SLC4A10: variants seen among roughly 807,000 people sequenced by gnomAD.
The protein encoded by SLC4A10 is solute carrier family 4 member 10.
Under a neutral mutation model 137.7 loss-of-function variants are expected in SLC4A10, and 42 were observed. The observed-to-expected ratio is 0.30, with a 90% confidence interval of 0.24 to 0.39. The LOEUF (loss-of-function observed/expected upper bound fraction) is 0.39, where lower values mean the gene tolerates loss of function less well. SLC4A10 is among the 10% of genes least tolerant of loss of function. The probability of loss-of-function intolerance (pLI) is 1.00; values close to 1 mark genes in which losing one functional copy is unlikely to be tolerated. For synonymous variants in SLC4A10, 474 were observed against 464.1 expected, an observed-to-expected ratio of 1.02 and a Z score of -0.27; for missense variants, 925 against 1,355.0, an observed-to-expected ratio of 0.68 and a Z score of 4.98.
chr2:161,765,892 C>A (rs1473011383), intron 1 of SLC4A10, among the ~76,000 whole-genome samples: 2 of 151,998 alleles, frequency 1.3e-5, no homozygotes, highest in Non-Finnish European at 2.9e-5. Context: ...TTCATCATAC[C>A]CCATGTTTAC....
chr2:161,755,607 A>G (rs546975882), intron 1 of SLC4A10, among the ~76,000 whole-genome samples: 42 of 152,122 alleles, frequency 2.8e-4, no homozygotes, highest in South Asian at 2.5e-3. Context: ...GAAAGTTTTC[A>G]TTCCTTCTCT....
At chr2:161,814,022 T>A (rs1349604639) in intron 3 of SLC4A10, among the ~76,000 whole-genome samples, 1 of 152,026 alleles carries the variant, frequency 6.6e-6, no homozygotes, top group East Asian at 1.9e-4. Flanking sequence ...ACTTTGCTAT[T>A]TAAATTTAGT....
intron 3 of SLC4A10, among the ~76,000 whole-genome samples, chr2:161,814,440 G>A (rs2056858290): frequency 6.6e-6 from 1 of 151,998 alleles, no homozygotes; most frequent in Non-Finnish European, 1.5e-5. Flanking sequence ...ATACCCAAAG[G>A]CAAATGAATC....
intron 3 of SLC4A10, among the ~76,000 whole-genome samples, chr2:161,812,883 T>C (rs1427655940): frequency 6.6e-6 from 1 of 152,226 alleles, no homozygotes; most frequent in African/African-American, 2.4e-5. Context: ...TGTAGTTTAA[T>C]GTTAGTCTTT....
At chr2:161,867,569 G>A (rs933504982) in intron 6 of SLC4A10, among the ~76,000 whole-genome samples, 1 of 152,002 alleles carries the variant, frequency 6.6e-6, no homozygotes, top group African/African-American at 2.4e-5. Flanking sequence ...TGTCATTACA[G>A]TTTTGGAATG....
At chr2:161,878,569 A>G (rs542955382) in intron 8 of SLC4A10, among the ~76,000 whole-genome samples, 1 of 152,232 alleles carries the variant, frequency 6.6e-6, no homozygotes, top group Admixed American at 6.5e-5. Context: ...ACTGTGTCAT[A>G]TCTAAATTCT....
chr2:161,826,975 C>T (rs1011053769), intron 3 of SLC4A10, among the ~76,000 whole-genome samples: 5 of 152,178 alleles, frequency 3.3e-5, no homozygotes, highest in Non-Finnish European at 5.9e-5. Context: ...CTACTCTCTC[C>T]GTGAGATGTA....
intron 3 of SLC4A10, among the ~76,000 whole-genome samples, chr2:161,819,573 C>T (rs893483863): frequency 2.5e-4 from 38 of 151,982 alleles, no homozygotes; most frequent in Admixed American, 7.9e-4. Context: ...TGGCTCACTG[C>T]AACCTCTGCC....
intron 3 of SLC4A10, among the ~76,000 whole-genome samples, chr2:161,828,547 A>G (rs1490664031): frequency 2.7e-5 from 4 of 147,744 alleles, no homozygotes; most frequent in African/African-American, 4.9e-5. Flanking sequence ...TTATTTGTAT[A>G]TATAAATATA....
At chr2:161,908,581 TATA>T (rs769901776) in intron 15 of SLC4A10, among the ~76,000 whole-genome samples, 1 of 148,390 alleles carries the variant, frequency 6.7e-6, no homozygotes, top group Non-Finnish European at 1.5e-5. Context: ...AAACTTAAAG[TATA>T]ATAATAATAA....
At chr2:161,783,831 G>GA (rs2053325822) in intron 2 of SLC4A10, among the ~76,000 whole-genome samples, 1 of 150,940 alleles carries the variant, frequency 6.6e-6, no homozygotes, top group Non-Finnish European at 1.5e-5. Flanking sequence ...AGCAAGAGAG[G>GA]AAAAAATGCA....
chr2:161,818,230 C>G (rs1246391043), intron 3 of SLC4A10, among the ~76,000 whole-genome samples: 1 of 152,072 alleles, frequency 6.6e-6, no homozygotes, highest in Non-Finnish European at 1.5e-5. Context: ...GTATTTTATT[C>G]TCTTTGAAGC....
intron 3 of SLC4A10, among the ~76,000 whole-genome samples, chr2:161,835,012 AT>A (rs1457541229): frequency 6.7e-6 from 1 of 149,478 alleles, no homozygotes; most frequent in Non-Finnish European, 1.5e-5. Context: ...TTCTAGGACC[AT>A]TGTGTGAACC....
At chr2:161,951,404 T>G (rs1694781404) in intron 19 of SLC4A10, among the ~76,000 whole-genome samples, 1 of 152,200 alleles carries the variant, frequency 6.6e-6, no homozygotes, top group Non-Finnish European at 1.5e-5. Context: ...ACTATAGATG[T>G]GTCTTAGTTA....
chr2:161,774,730 T>C (rs952418353), intron 2 of SLC4A10, among the ~76,000 whole-genome samples: 1 of 151,856 alleles, frequency 6.6e-6, no homozygotes, highest in Non-Finnish European at 1.5e-5. Context: ...CCATGTGGAA[T>C]CAGTTGAGAC....
intron 23 of SLC4A10, among the ~76,000 whole-genome samples, chr2:161,969,037 A>G (rs1185051885): frequency 6.6e-6 from 1 of 152,200 alleles, no homozygotes; most frequent in Non-Finnish European, 1.5e-5. Flanking sequence ...CAATTGCTCA[A>G]ATTAATTGAG....
At chr2:161,953,543 G>A (rs1419009815) in intron 19 of SLC4A10, among the ~76,000 whole-genome samples, 1 of 152,124 alleles carries the variant, frequency 6.6e-6, no homozygotes, top group African/African-American at 2.4e-5. Context: ...GGAAGGCAGA[G>A]GTTGCAGTGA....
chr2:161,887,853 G>T (rs913176462), intron 10 of SLC4A10, among the ~76,000 whole-genome samples: 2 of 152,098 alleles, frequency 1.3e-5, no homozygotes, highest in African/African-American at 4.8e-5. Context: ...CATTGCTTTT[G>T]GTGTTTTAGT....
chr2:161,653,426 C>T (rs906671646), intron 1 of SLC4A10, among the ~76,000 whole-genome samples: 6 of 152,176 alleles, frequency 3.9e-5, no homozygotes, highest in Non-Finnish European at 8.8e-5. Flanking sequence ...AATCACCACA[C>T]TGTCTTCCAC....
Sources: gnomAD v4.1 joint callset for allele counts (sites outside exome capture counted in the v4.1 genomes callset) on GRCh38, gnomAD v4.1.1 for gene constraint, MANE v1.5 for transcripts, NCBI Gene and HGNC (gene_info 2026-07-23, HGNC 2026-07-21) for gene names.